Variants in MAPKAPK3 observed in about 807,000 individuals in gnomAD.
The protein encoded by MAPKAPK3 is MAPK activated protein kinase 3.
Under a neutral mutation model 49.2 loss-of-function variants are expected in MAPKAPK3, and 35 were observed. That is an observed-to-expected ratio of 0.71 (90% CI 0.54 to 0.94). The LOEUF (loss-of-function observed/expected upper bound fraction) is 0.94. Ranked by LOEUF, MAPKAPK3 falls within the 40% of genes least tolerant of loss-of-function variation. The pLI is 0.00. For missense variants in MAPKAPK3, 398 were observed against 493.1 expected (o/e 0.81, Z 1.83); for synonymous variants, 178 against 188.7 (o/e 0.94, Z 0.46).
chr3:50,646,438 C>T (rs1401342583), intron 8 of MAPKAPK3, among the ~76,000 whole-genome samples, 174 bp downstream of exon 8: 1 of 152,202 alleles, frequency 6.6e-6, no homozygotes, highest in Non-Finnish European at 1.5e-5. Context: ...TCTACATCTG[C>T]CAAACAGGCT....
At chr3:50,640,285 C>T in intron 2 of MAPKAPK3, 81 bp from the exon 3 acceptor site, 1 of 1,452,638 alleles carries the variant, frequency 6.9e-7, no homozygotes, top group African/African-American at 1.4e-5. Context: ...GGTCACAGGC[C>T]TCAGAGCTTA....
chr3:50,631,085 G>C, intron 2 of MAPKAPK3, among the ~76,000 whole-genome samples: 1 of 152,358 alleles, frequency 6.6e-6, no homozygotes, highest in African/African-American at 2.4e-5. Context: ...GGGTGAGACA[G>C]AGGACAGGAT....
Position 50,646,750 on chromosome 3 carries a change from G to A in MAPKAPK3, c.840G>A (p.Leu280=). ...CCCTGGCCCCCCTAGCCAAGCAGCT[G>A]ATCCGCCTCCTGTTGAAGACAGACC... The part of the protein sequence containing the change: ...WSEVSEDAKQ[L]IRLLLKTDPT... Residue 280 remains leucine, a synonymous_variant, in exon 9 of 11, where the codon CTG becomes CTA. Coordinates refer to ENST00000621469, the MANE Select transcript of MAPKAPK3 (RefSeq NM_001243925.2). 6.2e-7 allele frequency: 1 copy of A among 1,614,048 alleles called. No homozygotes were observed. Among genetic ancestry groups the A allele is most frequent in the South Asian group, 1.1e-5 (1 of 91,076 alleles).
chr3:50,634,853 G>A (rs1007686034), intron 2 of MAPKAPK3, among the ~76,000 whole-genome samples: 1 of 152,166 alleles, frequency 6.6e-6, no homozygotes, highest in African/African-American at 2.4e-5. Context: ...CCCATTTCAG[G>A]TAGCCCCCAG....
rs556438408 is a variant in MAPKAPK3 at position 50,617,310 on chromosome 3, T to G, written c.-53+69T>G. Reference sequence around the variant, plus strand: ...TCGCGGCCATTAGGCGCCCGGCCCCTTCCCTTCTTGACACGTGCCCGGGCG... The same window carrying G: ...TCGCGGCCATTAGGCGCCCGGCCCCGTCCCTTCTTGACACGTGCCCGGGCG... On this transcript the variant is annotated intron_variant, in intron 1 of 10. Transcript: ENST00000621469. The G allele has an allele frequency of 1.3e-4, 49 of 386,960 alleles. No individual in the cohort carries two copies. In the South Asian group the frequency reaches 3.9e-3, roughly 31 times the overall value. The allele number at this position is 386,960 out of a possible 1,614,324, so 24.0% of individuals were successfully genotyped here.
At chr3:50,641,357 G>A (rs1282334422) in intron 3 of MAPKAPK3, among the ~76,000 whole-genome samples, 1 of 152,166 alleles carries the variant, frequency 6.6e-6, no homozygotes, top group Non-Finnish European at 1.5e-5. Flanking sequence ...GTCATATGAT[G>A]ATAATTAACA....
intron 2 of MAPKAPK3, among the ~76,000 whole-genome samples, chr3:50,634,886 G>T (rs1488756807): frequency 6.6e-6 from 1 of 152,178 alleles, no homozygotes; most frequent in Non-Finnish European, 1.5e-5. Context: ...TGTGGATATG[G>T]AGGCCATGGG....
At chr3:50,628,975 C>G (rs1343376640) in intron 2 of MAPKAPK3, among the ~76,000 whole-genome samples, 1 of 152,152 alleles carries the variant, frequency 6.6e-6, no homozygotes, top group Admixed American at 6.5e-5. Flanking sequence ...GGGGCTGCCA[C>G]AAAGAAGTGA....
chr3:50,645,491 G>T (rs1028738338), intron 6 of MAPKAPK3, among the ~76,000 whole-genome samples: 1 of 152,202 alleles, frequency 6.6e-6, no homozygotes, highest in East Asian at 1.9e-4. Context: ...GCCCAAGGGA[G>T]CTAGGGGTAT....
At chr3:50,640,321 T>A (rs768952953) in intron 2 of MAPKAPK3, 45 bp from the exon 3 acceptor site, 3 of 1,586,454 alleles carry the variant, frequency 1.9e-6, no homozygotes, top group Non-Finnish European at 2.6e-6. Context: ...AAAATGATGG[T>A]AGAGGGCTCT....
chr3:50,611,646 AC>A, upstream of MAPKAPK3: 1 of 1,496,356 alleles, frequency 6.7e-7, no homozygotes. Flanking sequence ...AACGCAGAGG[AC>A]CATGTCCCCG....
chr3:50,622,478 G>A (rs995803814), intron 2 of MAPKAPK3, among the ~76,000 whole-genome samples: 6 of 152,162 alleles, frequency 3.9e-5, no homozygotes, highest in African/African-American at 9.7e-5. Flanking sequence ...TGACCCCTTT[G>A]ATAATACTCC....
chr3:50,617,117 A>AGGGGGGGGG (rs559380787), upstream of MAPKAPK3: 1 of 21,480 alleles, frequency 4.7e-5, no homozygotes, highest in Non-Finnish European at 7.8e-5. Context: ...GGGGGTGGGG[A>AGGGGGGGGG]GGGGGGGGAG....
rs752099023 is a variant in MAPKAPK3 at position 50,642,264 on chromosome 3, A to AAT, written c.436_437insAT (p.Ile146AsnfsTer2). The AAT allele has an allele frequency of 6.2e-7, 1 of 1,612,910 alleles. No individual in the cohort carries two copies. Among genetic ancestry groups the AAT allele is most frequent in the South Asian group, 1.1e-5 (1 of 91,036 alleles). On this transcript the variant is annotated frameshift_variant, in exon 5 of 11. Transcript: ENST00000621469. LOFTEE classifies it high-confidence loss of function. ...CTCTGTTTCTGCAGAAGCTGCAGAGATAATGCGGGATATTGGCACTGCCAT... is the reference window on the plus strand; with the variant it reads ...CTCTGTTTCTGCAGAAGCTGCAGAGAATTAATGCGGGATATTGGCACTGCCAT...
intron 2 of MAPKAPK3, among the ~76,000 whole-genome samples, chr3:50,629,440 T>G (rs534372893): frequency 6.6e-6 from 1 of 152,192 alleles, no homozygotes; most frequent in Non-Finnish European, 1.5e-5. Context: ...CCCAATACCT[T>G]CAGTGTGCAC....
intron 2 of MAPKAPK3, among the ~76,000 whole-genome samples, chr3:50,624,260 TGTGTGTGTGTGCACTCAC>T (rs1467944711): frequency 1.3e-5 from 2 of 151,478 alleles, no homozygotes; most frequent in Admixed American, 1.3e-4. Context: ...TGTGTGTGCC[TGTGTGTGTGTGCACTCAC>T]GTGTGTGTGT....
intron 2 of MAPKAPK3, 100 bp from the exon 3 acceptor site, chr3:50,640,266 C>G (rs1318086955): frequency 4.2e-6 from 5 of 1,188,032 alleles, no homozygotes; most frequent in Non-Finnish European, 6.0e-6. Flanking sequence ...AGCTGTGTGA[C>G]CTGGGGCAGG....
chr3:50,617,920 G>C, intron 2 of MAPKAPK3, 136 bp downstream of exon 2: 1 of 677,408 alleles, frequency 1.5e-6, no homozygotes, highest in East Asian at 2.7e-5. Flanking sequence ...GTCCTGTAAG[G>C]TCAGGCTTGT....
At chr3:50,627,381 T>C (rs1330165084) in intron 2 of MAPKAPK3, among the ~76,000 whole-genome samples, 1 of 151,868 alleles carries the variant, frequency 6.6e-6, no homozygotes, top group Admixed American at 6.6e-5. Context: ...GGTCAGAGGG[T>C]GCCCCAGGAT....
Sources: gnomAD v4.1 joint callset for allele counts (sites outside exome capture counted in the v4.1 genomes callset) on GRCh38, gnomAD v4.1.1 for gene constraint, MANE v1.5 for transcripts, NCBI Gene and HGNC (gene_info 2026-07-23, HGNC 2026-07-21) for gene names.